The following DCLK2 variants were observed in gnomAD, a reference collection of about 807,000 sequenced individuals.
The protein encoded by DCLK2 is doublecortin like kinase 2.
In DCLK2, 31 loss-of-function variants were observed where a neutral mutation model predicts 78.4. That is an observed-to-expected ratio of 0.40 (90% CI 0.30 to 0.53). The LOEUF (loss-of-function observed/expected upper bound fraction) is 0.53, where lower values mean the gene tolerates loss of function less well. DCLK2 is among the 20% of genes least tolerant of loss of function. The pLI is 0.61. For synonymous variants in DCLK2, 407 were observed against 374.9 expected, an observed-to-expected ratio of 1.09 and a Z score of -0.99; for missense variants, 872 against 973.7, an observed-to-expected ratio of 0.90 and a Z score of 1.39.
At chr4:150,242,487 G>A (rs1291323293) in intron 12 of DCLK2, among the ~76,000 whole-genome samples, 2 of 152,184 alleles carry the variant, frequency 1.3e-5, no homozygotes, top group African/African-American at 2.4e-5. Context: ...CCTGAAGTTA[G>A]GAGTGTGAAA....
At position 150,198,506 on chromosome 4, in the gene DCLK2, T is replaced by G. The variant is rs576252247; in HGVS notation, c.961+403T>G. 2.8e-3 allele frequency among the ~76,000 whole-genome samples: 421 copies of G among 152,338 alleles called. 3 individuals carry two copies. Among genetic ancestry groups the G allele is most frequent in the African/African-American group, 9.5e-3 (396 of 41,580 alleles). On this transcript the variant is annotated intron_variant, in intron 4 of 15. Coordinates refer to ENST00000296550, the MANE Select transcript of DCLK2 (RefSeq NM_001040260.4). ...ACACTCTGCCCAGAAATGTATTTAC[T>G]TGATATATTTCCACTGGCTTCTGCC...
chr4:150,129,516 C>T (rs1036971627), intron 2 of DCLK2, among the ~76,000 whole-genome samples: 4 of 151,896 alleles, frequency 2.6e-5, no homozygotes, highest in Non-Finnish European at 5.9e-5. Context: ...GTCAAGAGAT[C>T]GAGACCCATC....
chr4:150,150,436 A>G (rs1035856608), intron 2 of DCLK2, among the ~76,000 whole-genome samples: 1 of 152,338 alleles, frequency 6.6e-6, no homozygotes, highest in Middle Eastern at 3.4e-3. Flanking sequence ...TCAGTGAGAT[A>G]TATTAAAGGC....
intron 5 of DCLK2, among the ~76,000 whole-genome samples, chr4:150,220,081 C>T (rs907739006): frequency 3.9e-5 from 6 of 152,028 alleles, no homozygotes; most frequent in Non-Finnish European, 7.4e-5. Flanking sequence ...GGGTGGTGGC[C>T]GTGGGTGGGG....
chr4:150,125,636 T>G (rs1732870197), intron 2 of DCLK2, among the ~76,000 whole-genome samples: 1 of 152,132 alleles, frequency 6.6e-6, no homozygotes, highest in Non-Finnish European at 1.5e-5. Flanking sequence ...ACTCTTGTAG[T>G]CCGAGCACTC....
intron 2 of DCLK2, among the ~76,000 whole-genome samples, chr4:150,108,928 C>T (rs1731461619): frequency 1.3e-5 from 2 of 152,246 alleles, no homozygotes; most frequent in Non-Finnish European, 2.9e-5. Context: ...ACTTTGGGAC[C>T]ACTGCCAGCC....
chr4:150,223,978 C>G (rs1741400539), intron 7 of DCLK2, among the ~76,000 whole-genome samples: 1 of 151,868 alleles, frequency 6.6e-6, no homozygotes, highest in African/African-American at 2.4e-5. Context: ...ATAAAATTTT[C>G]TGTTAATTTG....
chr4:150,121,165 AGGGTGGT>A (rs1382888297), intron 2 of DCLK2, among the ~76,000 whole-genome samples: 5 of 101,552 alleles, frequency 4.9e-5, no homozygotes, highest in African/African-American at 2.2e-4. Flanking sequence ...CTGATTGATC[AGGGTGGT>A]GGTTGCTGAA....
At chr4:150,115,789 G>C (rs566162965) in intron 2 of DCLK2, among the ~76,000 whole-genome samples, 1 of 152,166 alleles carries the variant, frequency 6.6e-6, no homozygotes, top group South Asian at 2.1e-4. Context: ...TTTATTTTCC[G>C]CAGTATTTTG....
chr4:150,119,118 A>G (rs1732337005), intron 2 of DCLK2, among the ~76,000 whole-genome samples: 3 of 152,022 alleles, frequency 2.0e-5, no homozygotes, highest in Admixed American at 1.3e-4. Context: ...TTTAAATAGC[A>G]TGGTTTTTCC....
At chr4:150,136,193 T>A (rs1733670507) in intron 2 of DCLK2, among the ~76,000 whole-genome samples, 1 of 152,196 alleles carries the variant, frequency 6.6e-6, no homozygotes, top group South Asian at 2.1e-4. Flanking sequence ...TGTATGGGTG[T>A]CATAAGACTG....
intron 7 of DCLK2, among the ~76,000 whole-genome samples, 187 bp downstream of exon 7, chr4:150,221,972 GTTTGTTTATTTA>G (rs1212239669): frequency 1.1e-4 from 16 of 150,406 alleles, no homozygotes; most frequent in East Asian, 5.8e-4. Flanking sequence ...TTGTTTGTTT[GTTTGTTTATTTA>G]TTTATTTATT....
At chr4:150,172,978 A>G (rs928861496) in intron 2 of DCLK2, among the ~76,000 whole-genome samples, 2 of 152,094 alleles carry the variant, frequency 1.3e-5, no homozygotes, top group Admixed American at 1.3e-4. Context: ...TTCTGTTTCT[A>G]CATCTTTAGA....
chr4:150,114,539 T>C (rs1731932836), intron 2 of DCLK2, among the ~76,000 whole-genome samples: 1 of 152,234 alleles, frequency 6.6e-6, no homozygotes, highest in Non-Finnish European at 1.5e-5. Flanking sequence ...ATGGGGTGTG[T>C]TGACCCTTTG....
chr4:150,120,222 G>A (rs1732420148), intron 2 of DCLK2, among the ~76,000 whole-genome samples: 1 of 152,186 alleles, frequency 6.6e-6, no homozygotes, highest in South Asian at 2.1e-4. Flanking sequence ...TTGTAAATGA[G>A]AAGTTTTTGG....
chr4:150,108,280 G>A (rs1042897771), intron 2 of DCLK2, among the ~76,000 whole-genome samples: 2 of 151,914 alleles, frequency 1.3e-5, no homozygotes, highest in Admixed American at 6.6e-5. Context: ...ATGCTGAGGC[G>A]GGTGGATCAT....
chr4:150,190,064 T>G (rs1738293793), intron 2 of DCLK2, among the ~76,000 whole-genome samples: 4 of 36,586 alleles, frequency 1.1e-4, no homozygotes, highest in Non-Finnish European at 1.5e-4. Flanking sequence ...CCAAGTGTGG[T>G]GGCTGTGGTC....
At chr4:150,088,984 G>C (rs1203132789) in intron 1 of DCLK2, among the ~76,000 whole-genome samples, 1 of 152,176 alleles carries the variant, frequency 6.6e-6, no homozygotes, top group African/African-American at 2.4e-5. Context: ...ATTACTCACT[G>C]TTTTGCTTTG....
chr4:150,193,205 G>C lies in DCLK2; in HGVS notation c.824G>C (p.Arg275Pro). The change falls in exon 3 of 16, where the codon CGT becomes CCT. Residue 275 changes from arginine to proline, a missense_variant. This residue lies in a region of DCLK2 where 567 missense variants were observed against 593.4 expected (regional missense o/e 0.96). Coordinates refer to ENST00000296550, the MANE Select transcript of DCLK2 (RefSeq NM_001040260.4). Reference sequence around the variant, plus strand: ...ATTGCATGTGGACCAGAAAAATTTCGTTATGCCCAAGATGACTTTGTCCTG... The same window carrying C: ...ATTGCATGTGGACCAGAAAAATTTCCTTATGCCCAAGATGACTTTGTCCTG... ...VFIACGPEKF[R>P]YAQDDFVLDH... is the part of the protein sequence containing the mutation. 6.2e-7 allele frequency: 1 copy of C among 1,611,374 alleles called. No homozygotes were observed.
Sources: gnomAD v4.1 joint callset for allele counts (sites outside exome capture counted in the v4.1 genomes callset) on GRCh38, gnomAD v4.1.1 for gene constraint, gnomAD v4.1.1 regional missense constraint, MANE v1.5 for transcripts, NCBI Gene and HGNC (gene_info 2026-07-23, HGNC 2026-07-21) for gene names.